Variants in CTNND2 observed in about 807,000 individuals in gnomAD.
CTNND2 encodes catenin delta-2.
In CTNND2, 22 loss-of-function variants were observed where a neutral mutation model predicts 144.4. The observed-to-expected ratio is 0.15, with a 90% CI of 0.11 to 0.22. The LOEUF (loss-of-function observed/expected upper bound fraction) is 0.22, where lower values mean the gene tolerates loss of function less well. Ranked by LOEUF, CTNND2 falls within the 10% of genes least tolerant of loss-of-function variation. CTNND2 has a pLI of 1.00. For missense variants in CTNND2, 1,353 were observed against 1,618.8 expected, an observed-to-expected ratio of 0.84 and a Z score of 2.82; for synonymous variants, 751 against 695.6, an observed-to-expected ratio of 1.08 and a Z score of -1.25.
chr5:11,111,180 C>A, intron 13 of CTNND2, 137 bp from the exon 14 acceptor site: 3 of 847,446 alleles, frequency 3.5e-6, no homozygotes, highest in Non-Finnish European at 5.3e-6. Flanking sequence ...CTGAAAGCTC[C>A]CCTGATGGCC....
intron 12 of CTNND2, among the ~76,000 whole-genome samples, chr5:11,128,613 C>T (rs1053106702): frequency 6.8e-6 from 1 of 146,288 alleles, no homozygotes; most frequent in Non-Finnish European, 1.5e-5. Flanking sequence ...CCTCATGTCC[C>T]ATTCCCTCCC....
At chr5:11,561,404 T>C (rs1432866797) in intron 3 of CTNND2, among the ~76,000 whole-genome samples, 1 of 152,226 alleles carries the variant, frequency 6.6e-6, no homozygotes, top group Non-Finnish European at 1.5e-5. Flanking sequence ...AGTAAACCTT[T>C]AGCTCTAATA....
intron 1 of CTNND2, among the ~76,000 whole-genome samples, chr5:11,883,496 G>C (rs185203283): frequency 1.3e-5 from 2 of 152,222 alleles, no homozygotes; most frequent in African/African-American, 2.4e-5. Context: ...CCATGTCCCT[G>C]CAAAGGACAT....
chr5:11,717,669 C>A (rs536652593), intron 2 of CTNND2, among the ~76,000 whole-genome samples: 2 of 151,872 alleles, frequency 1.3e-5, no homozygotes, highest in South Asian at 2.1e-4. Flanking sequence ...GGAGGCCTCA[C>A]AATCATGGCA....
chr5:11,389,392 A>G (rs11960082), intron 6 of CTNND2, among the ~76,000 whole-genome samples: 1,537 of 152,270 alleles, frequency 0.01, 16 homozygotes, highest in Middle Eastern at 0.02. Flanking sequence ...TGGAACATTA[A>G]CTCATCAAAG....
At position 11,199,549 on chromosome 5, in the gene CTNND2, T is replaced by A; in HGVS notation, c.1874A>T (p.Asn625Ile). ...TTTCAGGGCAATTTTGTTATCATCG[T>A]TGGCCTTCCCATACACCAGGTTTCT... The part of the protein sequence containing the change: ...ALRNLVYGKA[N>I]DDNKIALKNC... The change falls in exon 11 of 22, where the codon AAC (asparagine) becomes ATC (isoleucine). Residue 625 changes from asparagine to isoleucine, a missense_variant. This residue lies in a region of CTNND2 where 117 missense variants were observed against 117.8 expected (regional missense o/e 0.99). Coordinates refer to ENST00000304623, the MANE Select transcript of CTNND2 (RefSeq NM_001332.4). 6.2e-7 allele frequency: 1 copy of A among 1,614,208 alleles called. No homozygotes were observed. Among genetic ancestry groups the A allele is most frequent in the Non-Finnish European group, 8.5e-7 (1 of 1,180,044 alleles).
chr5:11,355,495 A>T (rs1755774056), intron 8 of CTNND2, among the ~76,000 whole-genome samples: 1 of 152,162 alleles, frequency 6.6e-6, no homozygotes, highest in Admixed American at 6.5e-5. Flanking sequence ...ACTCTCAACA[A>T]ATTAGGTATA....
At chr5:11,617,667 T>C (rs16901798) in intron 2 of CTNND2, among the ~76,000 whole-genome samples, 2,229 of 152,282 alleles carry the variant, frequency 0.015, 57 homozygotes, top group African/African-American at 0.051. Context: ...ATGAGCCAGT[T>C]TGCAAAATGT....
intron 1 of CTNND2, among the ~76,000 whole-genome samples, chr5:11,895,826 C>T (rs1025659037): frequency 1.3e-5 from 2 of 151,958 alleles, no homozygotes; most frequent in African/African-American, 4.8e-5. Flanking sequence ...AAAAATTAGA[C>T]GTAGACACCA....
intron 1 of CTNND2, among the ~76,000 whole-genome samples, chr5:11,869,490 T>C (rs79289731): frequency 0.015 from 2,346 of 152,324 alleles, 57 homozygotes; most frequent in African/African-American, 0.052. Flanking sequence ...TCAAATAATA[T>C]GTGATTCCAC....
At chr5:11,622,130 T>G (rs1780876743) in intron 2 of CTNND2, among the ~76,000 whole-genome samples, 2 of 152,176 alleles carry the variant, frequency 1.3e-5, no homozygotes, top group African/African-American at 4.8e-5. Context: ...ACCCCATGCC[T>G]TCTTTGGGAT....
intron 16 of CTNND2, among the ~76,000 whole-genome samples, chr5:11,057,389 ACAGTGAATAAGTCTTATGAGAT>A (rs1746448952): frequency 3.9e-5 from 6 of 152,166 alleles, no homozygotes; most frequent in Non-Finnish European, 5.9e-5. Context: ...TGTTCTCACG[ACAGTGAATAAGTCTTATGAGAT>A]CTCATCATTT....
intron 16 of CTNND2, among the ~76,000 whole-genome samples, chr5:11,025,310 C>G (rs950929634): frequency 2.6e-5 from 4 of 152,140 alleles, no homozygotes; most frequent in Non-Finnish European, 4.4e-5. Context: ...TTGAAAAATG[C>G]TGTCTTTTTA....
At chr5:11,880,644 ACCACTACTACTATCACCACTACTACTACT>A (rs1735994693) in intron 1 of CTNND2, among the ~76,000 whole-genome samples, 2 of 137,788 alleles carry the variant, frequency 1.5e-5, no homozygotes, top group African/African-American at 5.4e-5. Context: ...TACTACTACT[ACCACTACTACTATCACCACTACTACTACT>A]CTACCACTAC....
At chr5:11,465,264 A>G (rs1766556526) in intron 3 of CTNND2, among the ~76,000 whole-genome samples, 3 of 151,246 alleles carry the variant, frequency 2.0e-5, no homozygotes, top group Admixed American at 2.0e-4. Context: ...ACCTATCCAG[A>G]GTTTTCCTTG....
At chr5:11,178,483 AT>A (rs1415083962) in intron 11 of CTNND2, among the ~76,000 whole-genome samples, 1 of 152,198 alleles carries the variant, frequency 6.6e-6, no homozygotes, top group Non-Finnish European at 1.5e-5. Context: ...TAAGGAGCTT[AT>A]AGGTTAATGT....
At chr5:11,721,186 A>T (rs1786656781) in intron 2 of CTNND2, among the ~76,000 whole-genome samples, 1 of 152,238 alleles carries the variant, frequency 6.6e-6, no homozygotes, top group African/African-American at 2.4e-5. Context: ...AACTTGAAAC[A>T]TTATGATAAG....
intron 12 of CTNND2, among the ~76,000 whole-genome samples, chr5:11,134,417 C>T (rs1580382441): frequency 6.6e-6 from 1 of 152,318 alleles, no homozygotes; most frequent in East Asian, 1.9e-4. Flanking sequence ...CCAGCCAAGA[C>T]CCCTGCATTT....
intron 9 of CTNND2, among the ~76,000 whole-genome samples, chr5:11,320,719 T>C (rs1019433129): frequency 6.6e-6 from 1 of 152,108 alleles, no homozygotes; most frequent in African/African-American, 2.4e-5. Context: ...GAGAACAGCA[T>C]GGGAAAGACC....
Sources: gnomAD v4.1 joint callset for allele counts (sites outside exome capture counted in the v4.1 genomes callset) on GRCh38, gnomAD v4.1.1 for gene constraint, gnomAD v4.1.1 regional missense constraint, MANE v1.5 for transcripts, NCBI Gene and HGNC (gene_info 2026-07-23, HGNC 2026-07-21) for gene names.